The following GALNT13 variants were observed in gnomAD, a reference collection of about 807,000 sequenced individuals.
GALNT13 encodes the protein UDP-GalNAc:polypeptide N-acetylgalactosaminyltransferase 13.
A neutral mutation model predicts 64.2 loss-of-function variants in GALNT13; 28 were observed. That is an observed-to-expected ratio of 0.44 (90% confidence interval 0.32 to 0.60). The LOEUF (loss-of-function observed/expected upper bound fraction) is 0.60, where lower values mean the gene tolerates loss of function less well. Among genes scored for constraint, GALNT13 ranks in the 20% least tolerant of loss-of-function variants. The pLI is 0.05. For missense variants in GALNT13, 577 were observed against 669.8 expected (o/e 0.86, Z 1.53); for synonymous variants, 214 against 224.6 (o/e 0.95, Z 0.42).
the GALNT13 span, among the ~76,000 whole-genome samples, chr2:153,723,631 A>C: frequency 2.0e-5 from 3 of 152,146 alleles, no homozygotes; most frequent in Non-Finnish European, 4.4e-5. Context: ...TCAATGTACA[A>C]AAATCACAAG....
the GALNT13 span, among the ~76,000 whole-genome samples, chr2:153,203,718 T>A: frequency 1.3e-5 from 2 of 152,152 alleles, no homozygotes; most frequent in Non-Finnish European, 2.9e-5. Context: ...CCACAAGAAA[T>A]CACTTAACCT....
chr2:154,284,043 A>T (rs1692116594), intron 8 of GALNT13, among the ~76,000 whole-genome samples: 1 of 152,182 alleles, frequency 6.6e-6, no homozygotes, highest in East Asian at 1.9e-4. Flanking sequence ...TTGTGTTGTT[A>T]GATCTGTGTA....
At position 154,229,294 on chromosome 2, in the gene GALNT13, C is replaced by T. The variant is rs192311844; in HGVS notation, c.312-12736C>T. 3.9e-5 allele frequency among the ~76,000 whole-genome samples: 6 copies of T among 152,080 alleles called. No homozygotes were observed. In the East Asian group the frequency reaches 9.7e-4, roughly 25 times the overall value. ...TACATCTTTCTTCAAGATTGTATGGCCCATAGCCAACGTATGTTTAGTATA... is the reference window on the plus strand; with the variant it reads ...TACATCTTTCTTCAAGATTGTATGGTCCATAGCCAACGTATGTTTAGTATA... On this transcript the variant is annotated intron_variant, in intron 4 of 12. Coordinates refer to ENST00000392825, the MANE Select transcript of GALNT13 (RefSeq NM_052917.4).
At chr2:153,826,861 T>C in the GALNT13 span, among the ~76,000 whole-genome samples, 6 of 152,038 alleles carry the variant, frequency 3.9e-5, no homozygotes, top group African/African-American at 1.4e-4. Context: ...ATTTTGGCAG[T>C]AGTAATTAGG....
chr2:153,795,171 C>T, the GALNT13 span, among the ~76,000 whole-genome samples: 4 of 152,094 alleles, frequency 2.6e-5, no homozygotes, highest in African/African-American at 9.7e-5. Context: ...CTAGAAATAT[C>T]TTGCTAGTGA....
At chr2:153,627,262 T>TATGTATCTTTCTATAAGTGAA in the GALNT13 span, among the ~76,000 whole-genome samples, 3 of 152,216 alleles carry the variant, frequency 2.0e-5, no homozygotes, top group East Asian at 5.8e-4. Context: ...ATATCATAAT[T>TATGTATCTTTCTATAAGTGAA]ATGTATCTTT....
chr2:153,668,695 G>C, the GALNT13 span, among the ~76,000 whole-genome samples: 10 of 152,196 alleles, frequency 6.6e-5, no homozygotes, highest in Non-Finnish European at 1.5e-4. Context: ...GAAGGTGTGA[G>C]TTGAATAGGT....
the GALNT13 span, among the ~76,000 whole-genome samples, chr2:153,378,893 T>C: frequency 1.3e-5 from 2 of 152,164 alleles, no homozygotes; most frequent in Non-Finnish European, 2.9e-5. Context: ...GTTGGCAGAC[T>C]ATAGGCACTA....
intron 8 of GALNT13, among the ~76,000 whole-genome samples, chr2:154,260,625 G>T (rs962959185): frequency 6.6e-6 from 1 of 152,010 alleles, no homozygotes; most frequent in Admixed American, 6.6e-5. Flanking sequence ...TTGCCTTCAG[G>T]TCCATGGACA....
intron 2 of GALNT13, among the ~76,000 whole-genome samples, chr2:153,907,668 T>C (rs911442633): frequency 2.0e-5 from 3 of 152,056 alleles, no homozygotes; most frequent in Non-Finnish European, 4.4e-5. Context: ...TGTTTTCTGT[T>C]CCTGCCTTGG....
chr2:154,093,640 C>T (rs565258112), intron 3 of GALNT13, among the ~76,000 whole-genome samples: 2 of 149,076 alleles, frequency 1.3e-5, no homozygotes, highest in South Asian at 2.1e-4. Flanking sequence ...TGACCTAAAA[C>T]GTTTAAAGCA....
intron 8 of GALNT13, among the ~76,000 whole-genome samples, chr2:154,279,566 A>G (rs1691845782): frequency 6.6e-6 from 1 of 152,136 alleles, no homozygotes; most frequent in Admixed American, 6.6e-5. Flanking sequence ...GATGTTCTCT[A>G]TGGAGCAACT....
chr2:153,085,435 G>T, the GALNT13 span, among the ~76,000 whole-genome samples: 6 of 152,070 alleles, frequency 3.9e-5, no homozygotes, highest in African/African-American at 1.4e-4. Context: ...AAGGTTTTGT[G>T]GGCCAGCCCC....
At chr2:154,019,433 G>C (rs1334193827) in intron 3 of GALNT13, among the ~76,000 whole-genome samples, 1 of 152,024 alleles carries the variant, frequency 6.6e-6, no homozygotes, top group African/African-American at 2.4e-5. Context: ...AAGAGATCAA[G>C]ACCATCCTGG....
chr2:153,518,284 T>A, the GALNT13 span, among the ~76,000 whole-genome samples: 1 of 152,190 alleles, frequency 6.6e-6, no homozygotes, highest in Non-Finnish European at 1.5e-5. Flanking sequence ...TCACACACAA[T>A]CTGTCTCCTT....
the GALNT13 span, among the ~76,000 whole-genome samples, chr2:153,290,609 A>G: frequency 6.6e-6 from 1 of 152,198 alleles, no homozygotes; most frequent in African/African-American, 2.4e-5. Flanking sequence ...GTGCATTTCT[A>G]CAACTTTAAG....
intron 7 of GALNT13, among the ~76,000 whole-genome samples, chr2:154,254,692 A>G (rs1296236131): frequency 6.6e-6 from 1 of 152,216 alleles, no homozygotes; most frequent in Non-Finnish European, 1.5e-5. Flanking sequence ...AGAGAGACAG[A>G]TAAGTAGCAA....
chr2:153,505,273 G>A, the GALNT13 span, among the ~76,000 whole-genome samples: 1 of 151,896 alleles, frequency 6.6e-6, no homozygotes, highest in Non-Finnish European at 1.5e-5. Flanking sequence ...TTCTTTTCTT[G>A]TTTAATCTCA....
intron 4 of GALNT13, among the ~76,000 whole-genome samples, chr2:154,224,562 G>C (rs928127532): frequency 6.6e-6 from 1 of 152,010 alleles, no homozygotes; most frequent in African/African-American, 2.4e-5. Flanking sequence ...TTAAAATAAT[G>C]CCATAGAGGA....
Sources: allele counts gnomAD v4.1 joint callset (sites outside exome capture counted in the v4.1 genomes callset), GRCh38; gene constraint gnomAD v4.1.1; transcripts MANE v1.5; gene names NCBI Gene and HGNC (gene_info 2026-07-23, HGNC 2026-07-21).